The following ROBO2 variants were observed in gnomAD, a reference collection of about 807,000 sequenced individuals.
The protein encoded by ROBO2 is roundabout guidance receptor 2, also known as roundabout homolog 2.
A neutral mutation model predicts 160.8 loss-of-function variants in ROBO2; 53 were observed. The observed-to-expected ratio is 0.33, with a 90% CI of 0.26 to 0.41. The LOEUF (loss-of-function observed/expected upper bound fraction) is 0.41, where lower values mean the gene tolerates loss of function less well. Ranked by LOEUF, ROBO2 falls within the 10% of genes least tolerant of loss-of-function variation. The probability of loss-of-function intolerance (pLI) is 1.00; values close to 1 mark genes in which losing one functional copy is unlikely to be tolerated. For synonymous variants in ROBO2, 664 were observed against 611.7 expected (o/e 1.09, Z -1.26); for missense variants, 1,577 against 1,722.4 (o/e 0.92, Z 1.49).
At chr3:77,439,309 T>G (rs1048648713) in intron 2 of ROBO2, among the ~76,000 whole-genome samples, 2 of 152,050 alleles carry the variant, frequency 1.3e-5, no homozygotes, top group Non-Finnish European at 2.9e-5. Context: ...TTATCAACTT[T>G]GCTCAGGATT....
intron 2 of ROBO2, among the ~76,000 whole-genome samples, chr3:76,837,521 T>TAA (rs371501004): frequency 1.3e-5 from 2 of 148,902 alleles, no homozygotes; most frequent in Non-Finnish European, 3.0e-5. Flanking sequence ...TTTTTATGTT[T>TAA]AAAAAAAAAA....
rs142551028 is a variant in ROBO2 at position 76,294,293 on chromosome 3, C to T, written c.109+356691C>T. ...TGCCCCTGGAAGGGCAGGGCTCCCA[C>T]CCTTCCAACTCAGAAGGGAAAGAGC... On this transcript the variant is annotated intron_variant, in intron 2 of 26. Transcript: ENST00000487694. Among the ~76,000 whole-genome samples the T allele has an allele frequency of 3.4e-3, 518 of 152,220 alleles. 6 individuals are homozygous for T. The highest frequency in any genetic ancestry group is 0.025 in the Admixed American group (377 of 15,296).
chr3:76,943,595 T>C (rs1559741336), intron 2 of ROBO2, among the ~76,000 whole-genome samples: 2 of 152,242 alleles, frequency 1.3e-5, no homozygotes, highest in Non-Finnish European at 2.9e-5. Flanking sequence ...CTATATTTTA[T>C]AAGTGGATTT....
intron 2 of ROBO2, among the ~76,000 whole-genome samples, chr3:76,794,095 C>A (rs986344375): frequency 6.6e-6 from 1 of 151,750 alleles, no homozygotes; most frequent in African/African-American, 2.4e-5. Context: ...GATGCTTAAA[C>A]AGCGAAAAGT....
intron 2 of ROBO2, among the ~76,000 whole-genome samples, chr3:77,156,867 C>G (rs1312198482): frequency 6.6e-6 from 1 of 151,466 alleles, no homozygotes; most frequent in African/African-American, 2.4e-5. Context: ...GAATAGAGTT[C>G]TTCTGTTTCT....
chr3:76,689,777 A>T (rs2092762150), intron 2 of ROBO2, among the ~76,000 whole-genome samples: 1 of 152,136 alleles, frequency 6.6e-6, no homozygotes, highest in Non-Finnish European at 1.5e-5. Context: ...TCTAGCAGGT[A>T]TTAAAATTCT....
At chr3:76,066,197 A>G (rs893911343) in intron 2 of ROBO2, among the ~76,000 whole-genome samples, 1 of 152,142 alleles carries the variant, frequency 6.6e-6, no homozygotes, top group African/African-American at 2.4e-5. Context: ...TATTTATCAT[A>G]TCACACAATA....
In ROBO2 at chr3:77,106,707, A is replaced by T. The variant is rs140931062; in HGVS notation, c.388+8367A>T. Among the ~76,000 whole-genome samples, 327 of 152,352 alleles carry T rather than the reference A, an allele frequency of 2.1e-3. 5 individuals carry two copies. Among genetic ancestry groups the T allele is most frequent in the East Asian group, 0.021 (109 of 5,174 alleles). On this transcript the variant is annotated intron_variant, in intron 2 of 25. Coordinates refer to ENST00000461745, the Ensembl canonical transcript of ROBO2. Reference sequence around the variant, plus strand: ...CTGCTAAGGGATGAGGTTCAATAGTATTAAGATATTCTCTCCACTATATAC... The same window carrying T: ...CTGCTAAGGGATGAGGTTCAATAGTTTTAAGATATTCTCTCCACTATATAC...
chr3:76,889,505 T>G (rs2074174998), intron 2 of ROBO2, among the ~76,000 whole-genome samples: 1 of 152,170 alleles, frequency 6.6e-6, no homozygotes, highest in African/African-American at 2.4e-5. Flanking sequence ...ACTTCTAATA[T>G]TTAAAAGTTA....
intron 2 of ROBO2, among the ~76,000 whole-genome samples, chr3:76,928,503 C>A (rs1036408123): frequency 4.6e-5 from 7 of 150,580 alleles, no homozygotes; most frequent in African/African-American, 1.7e-4. Flanking sequence ...AAATAACAGC[C>A]TTCCAATTCC....
intron 2 of ROBO2, among the ~76,000 whole-genome samples, chr3:76,200,854 G>T (rs1702489293): frequency 6.6e-6 from 1 of 150,824 alleles, no homozygotes; most frequent in Admixed American, 6.7e-5. Flanking sequence ...GCAGCTTGGA[G>T]CCAGCTCACA....
chr3:75,985,978 C>G (rs1368665215), intron 2 of ROBO2, among the ~76,000 whole-genome samples: 1 of 151,600 alleles, frequency 6.6e-6, no homozygotes, highest in Non-Finnish European at 1.5e-5. Flanking sequence ...TCCATTTTAG[C>G]TATTGTGAAT....
intron 2 of ROBO2, among the ~76,000 whole-genome samples, chr3:76,693,085 T>C (rs1015541016): frequency 6.7e-6 from 1 of 149,926 alleles, no homozygotes; most frequent in African/African-American, 2.4e-5. Context: ...AGTGTATATA[T>C]TTAGTGTACA....
chr3:76,524,016 C>A (rs546598193), intron 2 of ROBO2, among the ~76,000 whole-genome samples: 2 of 150,928 alleles, frequency 1.3e-5, no homozygotes, highest in Non-Finnish European at 3.0e-5. Context: ...GTGGTGTCTT[C>A]ACATATCAGA....
intron 2 of ROBO2, among the ~76,000 whole-genome samples, chr3:77,257,493 G>A (rs868011654): frequency 4.7e-4 from 71 of 152,278 alleles, no homozygotes; most frequent in Admixed American, 5.9e-4. Flanking sequence ...TAGGGAGCTC[G>A]CATGGTATTT....
chr3:76,381,439 C>T (rs954704885), intron 2 of ROBO2, among the ~76,000 whole-genome samples: 1 of 152,062 alleles, frequency 6.6e-6, no homozygotes, highest in Non-Finnish European at 1.5e-5. Flanking sequence ...CAACCTCCAC[C>T]TCCCAGTTTA....
intron 2 of ROBO2, among the ~76,000 whole-genome samples, chr3:76,794,688 C>A (rs955047758): frequency 2.0e-5 from 3 of 151,842 alleles, no homozygotes; most frequent in Non-Finnish European, 4.4e-5. Context: ...ATAAAATATG[C>A]CCAGACTAAA....
chr3:77,450,898 G>A (rs1202780380), intron 2 of ROBO2, among the ~76,000 whole-genome samples: 1 of 151,662 alleles, frequency 6.6e-6, no homozygotes, highest in Non-Finnish European at 1.5e-5. Context: ...AAAATTCGGA[G>A]TATAGTGAAA....
At chr3:76,533,893 G>A (rs1413921586) in intron 2 of ROBO2, among the ~76,000 whole-genome samples, 2 of 152,090 alleles carry the variant, frequency 1.3e-5, no homozygotes, top group East Asian at 3.9e-4. Context: ...AGGTCATATG[G>A]AGGGTCAATC....
Sources: allele counts gnomAD v4.1 joint callset (sites outside exome capture counted in the v4.1 genomes callset), GRCh38; gene constraint gnomAD v4.1.1; transcripts MANE v1.5; gene names NCBI Gene and HGNC (gene_info 2026-07-23, HGNC 2026-07-21).